The following C10orf90 variants were observed in gnomAD, a reference collection of about 807,000 sequenced individuals.
C10orf90 encodes the protein (E2-independent) E3 ubiquitin-conjugating enzyme FATS.
C10orf90 carries 56 observed loss-of-function variants against 62.5 expected under a neutral mutation model. The ratio of observed to expected loss-of-function variants is 0.90; its 90% CI spans 0.72 to 1.12. C10orf90 has a LOEUF of 1.12. Ranked by LOEUF, C10orf90 falls within the 50% of genes most tolerant of loss-of-function variation. C10orf90 has a pLI of 0.00. For synonymous variants in C10orf90, 386 were observed against 340.4 expected (o/e 1.13, Z -1.47); for missense variants, 970 against 880.4 (o/e 1.10, Z -1.29).
intron 4 of C10orf90, among the ~76,000 whole-genome samples, chr10:126,476,234 C>T (rs4962341): frequency 0.61 from 92,628 of 152,086 alleles, 29,191 homozygotes; most frequent in African/African-American, 0.79. Context: ...CTTCCTAGCC[C>T]GGCTGACATC....
intron 3 of C10orf90, among the ~76,000 whole-genome samples, chr10:126,506,153 G>A (rs746610261): frequency 6.6e-6 from 1 of 152,178 alleles, no homozygotes; most frequent in Non-Finnish European, 1.5e-5. Flanking sequence ...AATGACCAAG[G>A]TGTTTCATTT....
At chr10:126,547,498 G>GAAAAAAAAAA (rs34204650) in intron 2 of C10orf90, among the ~76,000 whole-genome samples, 1 of 114,212 alleles carries the variant, frequency 8.8e-6, no homozygotes, top group Non-Finnish European at 1.8e-5. Context: ...TTAACTGAGT[G>GAAAAAAAAAA]AAAAAAAAAA....
intron 4 of C10orf90, among the ~76,000 whole-genome samples, chr10:126,490,313 T>C (rs1350492704): frequency 6.6e-6 from 1 of 151,300 alleles, no homozygotes; most frequent in African/African-American, 2.4e-5. Flanking sequence ...ATGACATACC[T>C]AGAGTGGTCA....
chr10:126,520,827 T>A (rs1301537051), intron 2 of C10orf90: 1 of 153,532 alleles, frequency 6.5e-6, no homozygotes, highest in Non-Finnish European at 1.4e-5. Flanking sequence ...CCCTCTCTAA[T>A]CTCTGCCTCC....
intron 2 of C10orf90, among the ~76,000 whole-genome samples, chr10:126,607,875 T>C (rs1369571581): frequency 6.6e-6 from 1 of 152,138 alleles, no homozygotes; most frequent in Non-Finnish European, 1.5e-5. Flanking sequence ...TTACAGGAAA[T>C]AAGCCAGTCC....
chr10:126,445,231 A>G lies in C10orf90; in HGVS notation c.2188+13809T>C, dbSNP rs367700983. On this transcript the variant is annotated intron_variant, in intron 7 of 9. Transcript: ENST00000488181. ...GGAACAGTCAGCAGAGTAAATAGAC[A>G]AAACACAGAGTGGGAGAAAATCTTC... Among the ~76,000 whole-genome samples, 26 of 152,328 alleles carry G rather than the reference A, an allele frequency of 1.7e-4. No individual in the cohort carries two copies. The East Asian group carries it at 4.1e-3, about 24-fold the overall frequency.
intron 2 of C10orf90, among the ~76,000 whole-genome samples, chr10:126,565,147 A>ATATGTAATATAATATTATATTACATAT (rs1564874063): frequency 0.02 from 369 of 18,602 alleles, 81 homozygotes; most frequent in African/African-American, 0.088. Context: ...ATAATATTAA[A>ATATGTAATATAATATTATATTACATAT]TATGTAATAT....
At chr10:126,502,050 C>G in intron 4 of C10orf90, among the ~76,000 whole-genome samples, 1 of 146,310 alleles carries the variant, frequency 6.8e-6, no homozygotes, top group Non-Finnish European at 1.5e-5. Context: ...CACACCCACA[C>G]CACACACACG....
At chr10:126,544,615 G>A (rs1283801074) in intron 2 of C10orf90, among the ~76,000 whole-genome samples, 2 of 151,892 alleles carry the variant, frequency 1.3e-5, no homozygotes, top group Non-Finnish European at 2.9e-5. Context: ...TGTTGGTGGA[G>A]ATTTTAGAAA....
At position 126,504,353 on chromosome 10, in the gene C10orf90, G is replaced by A; in HGVS notation, c.1138C>T (p.Pro380Ser). The A allele has an allele frequency of 6.2e-7, 1 of 1,614,156 alleles. No homozygotes were observed. Among genetic ancestry groups the A allele is most frequent in the East Asian group, 2.2e-5 (1 of 44,864 alleles). The change falls in exon 4 of 10, where the codon CCC (proline) becomes TCC (serine). Residue 380 changes from proline to serine, a missense_variant. Coordinates refer to ENST00000488181, the MANE Select transcript of C10orf90 (RefSeq NM_001350921.2). The surrounding 1 kb of genome is among the most constrained non-coding windows in gnomAD (Gnocchi z 4.1). Reference sequence around the variant, plus strand: ...GACAGGACGGATCTGTGCATTTTGGGGCTGGCAATTTGAGGTGGCTCAATG... The same window carrying A: ...GACAGGACGGATCTGTGCATTTTGGAGCTGGCAATTTGAGGTGGCTCAATG... ...VPIEPPQIAS[P>S]KMHRSVLSLN...
At chr10:126,588,753 AT>A (rs1319726210) in intron 2 of C10orf90, among the ~76,000 whole-genome samples, 1 of 152,226 alleles carries the variant, frequency 6.6e-6, no homozygotes, top group Non-Finnish European at 1.5e-5. Context: ...ATGAGAGAGA[AT>A]CAGTGCAACA....
intron 2 of C10orf90, among the ~76,000 whole-genome samples, chr10:126,642,036 G>C (rs1198215851): frequency 1.3e-5 from 2 of 152,128 alleles, no homozygotes; most frequent in African/African-American, 4.8e-5. Flanking sequence ...TATGCACCCT[G>C]TTTGGAACAA....
chr10:126,605,879 G>GCATA (rs71488504), intron 2 of C10orf90, among the ~76,000 whole-genome samples: 26,632 of 142,712 alleles, frequency 0.19, 2,384 homozygotes, highest in Admixed American at 0.21. Context: ...ATACATACAT[G>GCATA]CATACATACA....
chr10:126,571,324 A>T (rs910123312), intron 2 of C10orf90, among the ~76,000 whole-genome samples: 1 of 152,208 alleles, frequency 6.6e-6, no homozygotes, highest in Non-Finnish European at 1.5e-5. Context: ...GGTGAGACTC[A>T]CCAGGGCAAC....
chr10:126,574,217 A>G (rs1194616468), intron 2 of C10orf90, among the ~76,000 whole-genome samples: 2 of 152,224 alleles, frequency 1.3e-5, no homozygotes, highest in Non-Finnish European at 2.9e-5. Context: ...ACCATGAACA[A>G]AATCAAAAGA....
intron 4 of C10orf90, among the ~76,000 whole-genome samples, chr10:126,487,006 G>T (rs950088942): frequency 4.0e-5 from 6 of 151,744 alleles, no homozygotes; most frequent in Non-Finnish European, 7.4e-5. Context: ...GTAGCTGGGT[G>T]TGGTGGCAGG....
chr10:126,504,137 A>T lies in C10orf90; in HGVS notation c.1354T>A (p.Leu452Met). ...KETPSLRRVH[L>M]GTGACPWSGS... ...CTCCAAGGACAAGCGCCGGTCCCCA[A>T]ATGCACCCGCCTCAACGATGGGGTT... Residue 452 changes from leucine (L) to methionine (M), a missense_variant, in exon 4 of 10, where the codon TTG becomes ATG. By Grantham distance (15) the Leu-to-Met change is conservative. Transcript: ENST00000488181. The surrounding 1 kb of genome is among the most constrained non-coding windows in gnomAD (Gnocchi z 4.1). 1 of 1,614,006 alleles carries T rather than the reference A, an allele frequency of 6.2e-7. No individual in the cohort carries two copies. The highest frequency in any genetic ancestry group is 8.5e-7 in the Non-Finnish European group (1 of 1,179,988).
intron 2 of C10orf90, chr10:126,524,663 C>T (rs567022906): frequency 5.1e-6 from 5 of 986,098 alleles, no homozygotes; most frequent in Admixed American, 6.1e-5. Flanking sequence ...CAGATCCCAC[C>T]TGGCCACTCA....
At chr10:126,650,800 T>A (rs772444812) in intron 1 of C10orf90, among the ~76,000 whole-genome samples, 1 of 152,114 alleles carries the variant, frequency 6.6e-6, no homozygotes, top group African/African-American at 2.4e-5. Flanking sequence ...CCAGAAAGGA[T>A]AAGAAACCTA....
Sources: allele counts gnomAD v4.1 joint callset (sites outside exome capture counted in the v4.1 genomes callset), GRCh38; gene constraint gnomAD v4.1.1; non-coding constraint Gnocchi (gnomAD v3.1); transcripts MANE v1.5; gene names NCBI Gene and HGNC (gene_info 2026-07-23, HGNC 2026-07-21).